The following NR4A3 variants were observed in gnomAD, a reference collection of about 807,000 sequenced individuals.
NR4A3 encodes the protein chondrosarcoma, extraskeletal myxoid, fused to EWS.
In NR4A3, 13 loss-of-function variants were observed where a neutral mutation model predicts 55.6. The ratio of observed to expected loss-of-function variants is 0.23; its 90% CI spans 0.15 to 0.37. NR4A3 has a LOEUF of 0.37. Among genes scored for constraint, NR4A3 ranks in the 10% least tolerant of loss-of-function variants. The pLI, the probability that NR4A3 is intolerant of heterozygous loss-of-function variation, is 1.00. For synonymous variants in NR4A3, 342 were observed against 357.9 expected (o/e 0.96, Z 0.50); for missense variants, 646 against 822.8 (o/e 0.79, Z 2.63).
In NR4A3 at chr9:99,866,014, C is replaced by T. The variant is rs571700493; in HGVS notation, c.*2147C>T. On this transcript the variant is annotated 3_prime_UTR_variant, in exon 8 of 8. Coordinates refer to ENST00000395097, the MANE Select transcript of NR4A3 (RefSeq NM_006981.4). Reference sequence around the variant, plus strand: ...AGAATCAAGACTAAGACCTAATTTACCTTTCCATACTCTTTTTTTTTCTCA... The same window carrying T: ...AGAATCAAGACTAAGACCTAATTTATCTTTCCATACTCTTTTTTTTTCTCA... 6 of 218,188 alleles carry T rather than the reference C, an allele frequency of 2.7e-5. No individual in the cohort carries two copies. The East Asian group carries it at 4.1e-4, about 15-fold the overall frequency. 13.5% of individuals were successfully genotyped at this position (218,188 alleles called of 1,614,324 possible).
chr9:99,844,358 T>G (rs1196702669), intron 5 of NR4A3, among the ~76,000 whole-genome samples: 1 of 152,226 alleles, frequency 6.6e-6, no homozygotes, highest in Non-Finnish European at 1.5e-5. Flanking sequence ...GAGTTGTTTC[T>G]TCAAGCTCCC....
At chr9:99,833,735 T>G in intron 5 of NR4A3, 1 of 1,458,794 alleles carries the variant, frequency 6.9e-7, no homozygotes, top group Non-Finnish European at 9.1e-7. Context: ...AATGAAAATC[T>G]GCACAGACAA....
At chr9:99,855,160 T>G (rs1048356693) in intron 7 of NR4A3, among the ~76,000 whole-genome samples, 10 of 152,050 alleles carry the variant, frequency 6.6e-5, no homozygotes, top group South Asian at 2.1e-4. Flanking sequence ...AGAATGCTTG[T>G]GATTTTTGTA....
intron 6 of NR4A3, among the ~76,000 whole-genome samples, chr9:99,845,159 A>C (rs1827732186): frequency 6.6e-6 from 1 of 152,224 alleles, no homozygotes; most frequent in Non-Finnish European, 1.5e-5. Context: ...GGTCCCTTGC[A>C]GCTCCAACAT....
At chr9:99,859,933 CATT>C (rs1271163920) in intron 7 of NR4A3, among the ~76,000 whole-genome samples, 1 of 152,162 alleles carries the variant, frequency 6.6e-6, no homozygotes, top group Non-Finnish European at 1.5e-5. Context: ...GAATATTTTT[CATT>C]ATTAATTCAA....
At chr9:99,856,528 A>G (rs1827930352) in intron 7 of NR4A3, among the ~76,000 whole-genome samples, 1 of 152,164 alleles carries the variant, frequency 6.6e-6, no homozygotes. Flanking sequence ...CCAATTGGGG[A>G]CCCCTGATAT....
At chr9:99,824,498 A>T (rs1827254658) in intron 1 of NR4A3, among the ~76,000 whole-genome samples, 1 of 152,212 alleles carries the variant, frequency 6.6e-6, no homozygotes, top group Non-Finnish European at 1.5e-5. Flanking sequence ...CCGTCCGAGC[A>T]GCTCCAGCTG....
rs546915852 is a variant in NR4A3 at position 99,864,252 on chromosome 9, A to G, written c.*385A>G. The G allele has an allele frequency of 4.0e-6, 1 of 252,780 alleles. No homozygotes were observed. Among genetic ancestry groups the G allele is most frequent in the East Asian group, 5.7e-5 (1 of 17,464 alleles). The allele number at this position is 252,780 out of a possible 1,614,324, so 15.7% of individuals were successfully genotyped here. A position where few individuals can be genotyped will look rare whatever the true frequency, so the allele number is the denominator to read the frequency against. On this transcript the variant is annotated 3_prime_UTR_variant, in exon 8 of 8. Coordinates refer to ENST00000395097, the MANE Select transcript of NR4A3 (RefSeq NM_006981.4). ...AATTATAGTTGCTTTGTATTTAAAA[A>G]CAAGAACAGCCAAGGGTTGTTCGCC...
chr9:99,848,025 C>T (rs1286521129), intron 7 of NR4A3, among the ~76,000 whole-genome samples: 2 of 152,208 alleles, frequency 1.3e-5, no homozygotes, highest in African/African-American at 2.4e-5. Context: ...CCACTTCAGC[C>T]TCCTGAGTAG....
chr9:99,842,102 T>A (rs1446916415), intron 5 of NR4A3, among the ~76,000 whole-genome samples: 1 of 143,584 alleles, frequency 7.0e-6, no homozygotes, highest in African/African-American at 2.6e-5. Flanking sequence ...GTAGCTGGAC[T>A]CTCTGATTTT....
chr9:99,838,020 G>A (rs967601318), intron 5 of NR4A3, among the ~76,000 whole-genome samples: 1 of 152,038 alleles, frequency 6.6e-6, no homozygotes. Flanking sequence ...TTCTCCTTTG[G>A]GCCAAACTTC....
intron 6 of NR4A3, among the ~76,000 whole-genome samples, chr9:99,846,988 G>C (rs917357863): frequency 1.3e-5 from 2 of 152,170 alleles, no homozygotes; most frequent in Admixed American, 1.3e-4. Flanking sequence ...TGGAATTGTA[G>C]TGTCTAGCCT....
chr9:99,858,327 C>A (rs778056221), intron 7 of NR4A3, among the ~76,000 whole-genome samples: 12 of 152,180 alleles, frequency 7.9e-5, no homozygotes, highest in Non-Finnish European at 1.6e-4. Flanking sequence ...ACTCTCTCCC[C>A]CTGACTCCTT....
chr9:99,828,597 C>A lies in NR4A3; in HGVS notation c.555C>A (p.Gly185=). ...TGAAGGCGGTCCCCACGGTGGCCGG[C>A]GCGCGCTTCCCGCTCTTCCACTTCA... ...PPMKAVPTVA[G]ARFPLFHFKP... Residue 185 remains glycine, a synonymous_variant, in exon 3 of 8, where the codon GGC becomes GGA. Coordinates refer to ENST00000395097, the MANE Select transcript of NR4A3 (RefSeq NM_006981.4). The surrounding 1 kb of genome is among the most constrained non-coding windows in gnomAD (Gnocchi z 7.7). The A allele has an allele frequency of 1.3e-6, 2 of 1,547,470 alleles. No homozygotes were observed. The highest frequency in any genetic ancestry group is 1.7e-6 in the Non-Finnish European group (2 of 1,157,120).
intron 7 of NR4A3, among the ~76,000 whole-genome samples, chr9:99,861,799 A>T (rs1275083753): frequency 1.3e-5 from 2 of 152,174 alleles, no homozygotes; most frequent in Non-Finnish European, 2.9e-5. Flanking sequence ...AACTTAAAAA[A>T]TTAATTTAGA....
chr9:99,843,098 G>A (rs531172821), intron 5 of NR4A3, among the ~76,000 whole-genome samples: 44 of 152,280 alleles, frequency 2.9e-4, no homozygotes, highest in Admixed American at 2.7e-3. Context: ...TCTTTACTCC[G>A]GTGATTCAAG....
chr9:99,866,514 A>G lies in NR4A3; in HGVS notation c.*2647A>G. On this transcript the variant is annotated 3_prime_UTR_variant, in exon 8 of 8. Coordinates refer to ENST00000395097, the MANE Select transcript of NR4A3 (RefSeq NM_006981.4). The stretch of plus-strand genomic sequence containing the variant: ...GCATGTTCTTCTGTCTTCCATAGTT[A>G]TTACAACTATGAGAGCCTCCCAAGT... The G allele has an allele frequency of 4.4e-6, 1 of 228,798 alleles. No individual in the cohort carries two copies. Among genetic ancestry groups the G allele is most frequent in the Non-Finnish European group, 8.7e-6 (1 of 115,008 alleles). The allele number at this position is 228,798 out of a possible 1,614,324, so 14.2% of individuals were successfully genotyped here.
chr9:99,858,050 T>G (rs964727488), intron 7 of NR4A3, among the ~76,000 whole-genome samples: 2 of 152,190 alleles, frequency 1.3e-5, no homozygotes, highest in African/African-American at 4.8e-5. Flanking sequence ...GATACAATGT[T>G]GAGCAAATAC....
Position 99,828,141 on chromosome 9 carries a change from C to G in NR4A3, c.99C>G (p.Pro33=). The G allele has an allele frequency of 1.2e-6, 2 of 1,614,034 alleles. No individual in the cohort carries two copies. Among genetic ancestry groups the G allele is most frequent in the East Asian group, 2.2e-5 (1 of 44,862 alleles). ...AATACACCACGGAGATCATGAACCC[C>G]GACTACACCAAGCTGACCATGGACC... ...SSEYTTEIMN[P]DYTKLTMDLG... The change falls in exon 3 of 8, where the codon CCC becomes CCG. Residue 33 remains proline, a synonymous_variant. Coordinates refer to ENST00000395097, the MANE Select transcript of NR4A3 (RefSeq NM_006981.4). This position sits in a 1 kb window ranked among gnomAD's most constrained non-coding sequence, Gnocchi z 7.7.
Sources: gnomAD v4.1 joint callset for allele counts (sites outside exome capture counted in the v4.1 genomes callset) on GRCh38, gnomAD v4.1.1 for gene constraint, Gnocchi (gnomAD v3.1) non-coding constraint, MANE v1.5 for transcripts, NCBI Gene and HGNC (gene_info 2026-07-23, HGNC 2026-07-21) for gene names.